The following CSMD1 variants were observed in gnomAD, a reference collection of about 807,000 sequenced individuals.
CSMD1 encodes CUB and sushi domain-containing protein 1.
A neutral mutation model predicts 417.5 loss-of-function variants in CSMD1; 213 were observed. The observed-to-expected ratio is 0.51, with a 90% CI of 0.46 to 0.57. The LOEUF is 0.57. Ranked by LOEUF, CSMD1 falls within the 20% of genes least tolerant of loss-of-function variation. The probability of loss-of-function intolerance (pLI) is 0.00; values close to 1 mark genes in which losing one functional copy is unlikely to be tolerated. For missense variants in CSMD1, 6,923 were observed against 4,529.7 expected (o/e 1.53, Z -15.17); for synonymous variants, 2,862 against 1,736.8 (o/e 1.65, Z -16.11).
At chr8:4,853,840 G>A (rs1801629699) in intron 1 of CSMD1, among the ~76,000 whole-genome samples, 1 of 152,220 alleles carries the variant, frequency 6.6e-6, no homozygotes, top group Non-Finnish European at 1.5e-5. Context: ...CCCACTCCTT[G>A]CAGTAGTGTG....
At chr8:3,489,870 G>C (rs929000220) in intron 11 of CSMD1, among the ~76,000 whole-genome samples, 1 of 152,170 alleles carries the variant, frequency 6.6e-6, no homozygotes, top group African/African-American at 2.4e-5. Flanking sequence ...TGAGTTTGAA[G>C]TAGTGAATGC....
chr8:4,259,539 CT>C (rs34237961), intron 3 of CSMD1, among the ~76,000 whole-genome samples: 121,749 of 149,710 alleles, frequency 0.81, 50,965 homozygotes, highest in Non-Finnish European at 0.91. Context: ...TAAAAAATGT[CT>C]TTTTTTTTTT....
intron 1 of CSMD1, among the ~76,000 whole-genome samples, chr8:4,957,510 T>G (rs1809197616): frequency 6.6e-6 from 1 of 152,216 alleles, no homozygotes; most frequent in Non-Finnish European, 1.5e-5. Flanking sequence ...TAACTACTTC[T>G]TATCAACTTT....
intron 5 of CSMD1, among the ~76,000 whole-genome samples, chr8:3,979,528 A>T (rs113115037): frequency 6.6e-6 from 1 of 152,320 alleles, no homozygotes; most frequent in African/African-American, 2.4e-5. Flanking sequence ...GTAACTCTCC[A>T]AGTCATGATA....
At chr8:3,058,041 G>T (rs1393373467) in intron 49 of CSMD1, among the ~76,000 whole-genome samples, 2 of 152,050 alleles carry the variant, frequency 1.3e-5, no homozygotes, top group Admixed American at 6.6e-5. Context: ...TTTTCTCTGG[G>T]TTCTTCCGTT....
At chr8:4,099,578 A>G (rs889548184) in intron 3 of CSMD1, among the ~76,000 whole-genome samples, 4 of 152,074 alleles carry the variant, frequency 2.6e-5, no homozygotes, top group Non-Finnish European at 5.9e-5. Flanking sequence ...GCATATATCA[A>G]TCAATCAAAC....
At chr8:3,810,695 G>T (rs368657931) in intron 5 of CSMD1, among the ~76,000 whole-genome samples, 1 of 152,130 alleles carries the variant, frequency 6.6e-6, no homozygotes, top group South Asian at 2.1e-4. Flanking sequence ...GAAGGAAATG[G>T]TTTATCTCTT....
intron 1 of CSMD1, among the ~76,000 whole-genome samples, chr8:4,892,895 G>C (rs866507841): frequency 1.4e-4 from 21 of 152,002 alleles, no homozygotes; most frequent in African/African-American, 4.6e-4. Flanking sequence ...TTTCCCTTTG[G>C]CTTTATAAAG....
At chr8:3,789,389 TGTTTTTTTTTTTAAGTAA>T (rs747637236) in intron 5 of CSMD1, among the ~76,000 whole-genome samples, 35 of 48,400 alleles carry the variant, frequency 7.2e-4, no homozygotes, top group African/African-American at 9.5e-4. Flanking sequence ...TTTTAAGTAG[TGTTTTTTTTTTTAAGTAA>T]GTTTTTTTTT....
In CSMD1 at chr8:4,994,636, A is replaced by G; in HGVS notation, c.-220T>C. The G allele has an allele frequency of 2.2e-6, 1 of 456,168 alleles. No individual in the cohort carries two copies. The highest frequency in any genetic ancestry group is 3.4e-5 in the South Asian group (1 of 29,238). 28.3% of individuals were successfully genotyped at this position (456,168 alleles called of 1,614,324 possible). ...GCCACTGCAGGGCTGAGCTGCTCCG[A>G]GCGCGGAGACCCGGGCTGGCGGGGC... On this transcript the variant is annotated 5_prime_UTR_variant, in exon 1 of 70. Transcript: ENST00000635120.
intron 5 of CSMD1, among the ~76,000 whole-genome samples, chr8:3,975,122 G>A (rs937057875): frequency 6.6e-6 from 1 of 152,060 alleles, no homozygotes; most frequent in Non-Finnish European, 1.5e-5. Context: ...AAACCACTAT[G>A]CATGTTTCCA....
At chr8:4,231,215 G>C (rs1330365915) in intron 3 of CSMD1, among the ~76,000 whole-genome samples, 1 of 152,188 alleles carries the variant, frequency 6.6e-6, no homozygotes, top group African/African-American at 2.4e-5. Context: ...GAAAGGCATT[G>C]TCTTATCCCT....
At chr8:3,308,575 A>T in intron 23 of CSMD1, 72 bp from the exon 24 acceptor site, 1 of 1,263,780 alleles carries the variant, frequency 7.9e-7, no homozygotes, top group East Asian at 2.5e-5. Context: ...AGATGAAACA[A>T]ACAAGGTTGC....
intron 1 of CSMD1, among the ~76,000 whole-genome samples, chr8:4,717,916 C>T (rs527562129): frequency 1.3e-5 from 2 of 152,098 alleles, no homozygotes; most frequent in Non-Finnish European, 2.9e-5. Context: ...AGTATTGATA[C>T]AGAAGAAGTA....
intron 3 of CSMD1, among the ~76,000 whole-genome samples, chr8:4,382,526 T>C (rs191471705): frequency 2.6e-5 from 4 of 152,248 alleles, no homozygotes; most frequent in African/African-American, 7.2e-5. Flanking sequence ...TTAAACTGTA[T>C]TGCAAAAAGG....
At chr8:3,386,170 T>C (rs1810991731) in intron 18 of CSMD1, among the ~76,000 whole-genome samples, 2 of 152,082 alleles carry the variant, frequency 1.3e-5, no homozygotes, top group South Asian at 4.1e-4. Context: ...AAAAGAAAAA[T>C]GCCTCAGCTC....
At chr8:4,293,244 C>G (rs935108218) in intron 3 of CSMD1, among the ~76,000 whole-genome samples, 1 of 152,122 alleles carries the variant, frequency 6.6e-6, no homozygotes, top group East Asian at 1.9e-4. Flanking sequence ...TCCAAGGGCA[C>G]AGAGTCGTGG....
intron 5 of CSMD1, among the ~76,000 whole-genome samples, chr8:3,757,678 C>T (rs545868133): frequency 6.6e-6 from 1 of 152,056 alleles, no homozygotes; most frequent in South Asian, 2.1e-4. Context: ...GCATGGCCAA[C>T]ATGGTGAAAC....
chr8:3,830,953 A>G (rs1288426169), intron 5 of CSMD1, among the ~76,000 whole-genome samples: 1 of 152,142 alleles, frequency 6.6e-6, no homozygotes, highest in African/African-American at 2.4e-5. Flanking sequence ...TCTGAGGGAC[A>G]GTTCACCTAG....
Sources: gnomAD v4.1 joint callset for allele counts (sites outside exome capture counted in the v4.1 genomes callset) on GRCh38, gnomAD v4.1.1 for gene constraint, MANE v1.5 for transcripts, NCBI Gene and HGNC (gene_info 2026-07-23, HGNC 2026-07-21) for gene names.